GPM6A: variants seen among roughly 807,000 people sequenced by gnomAD.
GPM6A encodes the protein glycoprotein M6A.
In GPM6A, 7 loss-of-function variants were observed where a neutral mutation model predicts 32.1. The observed-to-expected ratio is 0.22, with a 90% CI of 0.12 to 0.41. The LOEUF is 0.41. GPM6A is among the 10% of genes least tolerant of loss of function. GPM6A has a pLI of 1.00. For synonymous variants in GPM6A, 130 were observed against 123.4 expected (o/e 1.05, Z -0.35); for missense variants, 235 against 347.2 (o/e 0.68, Z 2.57).
At chr4:175,776,377 C>G (rs1346785599) in intron 1 of GPM6A, among the ~76,000 whole-genome samples, 2 of 152,098 alleles carry the variant, frequency 1.3e-5, no homozygotes, top group Non-Finnish European at 2.9e-5. Context: ...AAACAAAGGC[C>G]TGGCCACAAC....
chr4:175,907,645 C>T (rs1040269700), intron 1 of GPM6A, among the ~76,000 whole-genome samples: 1 of 152,092 alleles, frequency 6.6e-6, no homozygotes, highest in Non-Finnish European at 1.5e-5. Context: ...ATAAAACCCT[C>T]CGGTGAGAAA....
intron 2 of GPM6A, among the ~76,000 whole-genome samples, chr4:175,676,391 A>G (rs2110992658): frequency 6.6e-6 from 1 of 152,328 alleles, no homozygotes; most frequent in Middle Eastern, 3.4e-3. Context: ...TAAAGACAGA[A>G]GTTTTGATCA....
chr4:175,889,512 T>C (rs1226347065), intron 1 of GPM6A, among the ~76,000 whole-genome samples: 23 of 122,600 alleles, frequency 1.9e-4, no homozygotes, highest in Middle Eastern at 4.5e-3. Context: ...AGCAAAACCC[T>C]GTCTCCAAAA....
intron 1 of GPM6A, among the ~76,000 whole-genome samples, chr4:175,825,850 A>T (rs567684198): frequency 6.6e-6 from 1 of 152,288 alleles, no homozygotes; most frequent in Non-Finnish European, 1.5e-5. Flanking sequence ...AACATTTTCA[A>T]GTCAAGTTGA....
At position 175,985,470 on chromosome 4, in the gene GPM6A, G is replaced by A. The variant is rs76476836; in HGVS notation, c.-23+16839C>T. 3.7e-3 allele frequency among the ~76,000 whole-genome samples: 557 copies of A among 152,212 alleles called. 5 individuals carry two copies. The highest frequency in any genetic ancestry group is 0.012 in the African/African-American group (509 of 41,542). ...TCTCTTATTATTTTTAATTCTTGTA[G>A]AATGTCTTTATTATATAGACAAGTG... On this transcript the variant is annotated intron_variant, in intron 1 of 7. Coordinates refer to the GPM6A transcript ENST00000280187.
At chr4:175,681,505 G>A (rs1743685921) in intron 2 of GPM6A, among the ~76,000 whole-genome samples, 1 of 152,094 alleles carries the variant, frequency 6.6e-6, no homozygotes, top group South Asian at 2.1e-4. Flanking sequence ...TTTGTCTGTT[G>A]ATAGTTTAGA....
chr4:175,733,852 T>A (rs13136033), intron 1 of GPM6A, among the ~76,000 whole-genome samples: 38,645 of 152,010 alleles, frequency 0.25, 5,014 homozygotes, highest in Non-Finnish European at 0.27. Context: ...ATCTCTAAAA[T>A]GGTCTTTTAA....
intron 1 of GPM6A, among the ~76,000 whole-genome samples, chr4:175,933,228 A>C (rs1739109667): frequency 6.6e-6 from 1 of 152,218 alleles, no homozygotes; most frequent in Non-Finnish European, 1.5e-5. Flanking sequence ...CAAATGATCA[A>C]TAAGCTCATA....
At chr4:175,683,406 TG>T (rs1743795136) in intron 2 of GPM6A, among the ~76,000 whole-genome samples, 3 of 152,292 alleles carry the variant, frequency 2.0e-5, no homozygotes, top group South Asian at 4.1e-4. Flanking sequence ...TTTGAGTTAA[TG>T]CTGGAAAGAG....
rs34600738 is a variant in GPM6A, at chr4:175,725,295, G to GT, written c.38-23529dup. On this transcript the variant is annotated intron_variant, in intron 1 of 6. Transcript: ENST00000393658. ...TTAATGCATTATGTTTTGGGTTTTT[G>GT]TTTTTTTTTTTTTTGCAACAGAGTC... is the stretch of plus-strand genomic sequence containing the variant. Among the ~76,000 whole-genome samples the GT allele has an allele frequency of 2.8e-3, 369 of 130,306 alleles. 1 individual carries two copies. Among genetic ancestry groups the GT allele is most frequent in the African/African-American group, 8.7e-3 (315 of 36,040 alleles). The allele number at this position is 130,306 out of a possible 152,430, so 85.5% of individuals were successfully genotyped here.
At position 175,649,972 on chromosome 4, in the gene GPM6A, T is replaced by A. The variant is rs549111101; in HGVS notation, c.541+1862A>T. On this transcript the variant is annotated intron_variant, in intron 4 of 6. Coordinates refer to ENST00000393658, the MANE Select transcript of GPM6A (RefSeq NM_201591.3). ...GATCAGCAGAATAAAAGGAAGACATTTAGGACAAGGGGCAGAGAGCAGAGC... is the reference window on the plus strand; with the variant it reads ...GATCAGCAGAATAAAAGGAAGACATATAGGACAAGGGGCAGAGAGCAGAGC... 5.3e-5 allele frequency among the ~76,000 whole-genome samples: 8 copies of A among 152,268 alleles called. No homozygotes were observed. The South Asian group carries it at 1.7e-3, about 32-fold the overall frequency.
At chr4:175,914,318 T>C (rs1325785388) in intron 1 of GPM6A, among the ~76,000 whole-genome samples, 1 of 152,160 alleles carries the variant, frequency 6.6e-6, no homozygotes, top group African/African-American at 2.4e-5. Flanking sequence ...ATCAGCATTT[T>C]GTTTTGTTTT....
chr4:175,820,563 C>T (rs1735247075), intron 1 of GPM6A, among the ~76,000 whole-genome samples: 2 of 131,082 alleles, frequency 1.5e-5, no homozygotes, highest in African/African-American at 2.9e-5. Context: ...TGCAGTGGTG[C>T]AATCTCTGCT....
chr4:175,880,835 G>A (rs998961237), intron 1 of GPM6A, among the ~76,000 whole-genome samples: 7 of 152,148 alleles, frequency 4.6e-5, no homozygotes, highest in African/African-American at 1.7e-4. Flanking sequence ...CTGCAAACAG[G>A]GACAATTTGA....
chr4:175,923,006 C>T lies in GPM6A; in HGVS notation c.-23+79303G>A, dbSNP rs567729222. Among the ~76,000 whole-genome samples, 3 of 151,904 alleles carry T rather than the reference C, an allele frequency of 2.0e-5. No individual in the cohort carries two copies. The South Asian group carries it at 6.2e-4, about 32-fold the overall frequency. On this transcript the variant is annotated intron_variant, in intron 1 of 7. Coordinates refer to the GPM6A transcript ENST00000280187. ...AGCTCATTTTTATCTGTACTGGTAA[C>T]TAAAATATAATCCACGCTTGTTATT...
intron 1 of GPM6A, among the ~76,000 whole-genome samples, chr4:175,786,388 C>T (rs1230847831): frequency 6.6e-6 from 1 of 151,054 alleles, no homozygotes; most frequent in Non-Finnish European, 1.5e-5. Flanking sequence ...TCCTGACTCT[C>T]CTCCCTCCAA....
intron 1 of GPM6A, among the ~76,000 whole-genome samples, chr4:175,766,284 C>T (rs1732963025): frequency 6.6e-6 from 1 of 152,010 alleles, no homozygotes; most frequent in Non-Finnish European, 1.5e-5. Flanking sequence ...TATTTTATCC[C>T]TTAAGTTTTA....
rs76620972 is a variant in GPM6A, at chr4:175,870,988, A to G, written c.-22-58739T>C. ...AGTACCTATTATTATTATCTTAATCATGTTAATATCATATTTCTAGGGCAT... is the reference window on the plus strand; with the variant it reads ...AGTACCTATTATTATTATCTTAATCGTGTTAATATCATATTTCTAGGGCAT... On this transcript the variant is annotated intron_variant, in intron 1 of 7. Transcript: ENST00000280187. Among the ~76,000 whole-genome samples the G allele has an allele frequency of 1.1e-3, 173 of 152,174 alleles. 5 individuals are homozygous for G. The East Asian group carries it at 0.029, about 26-fold the overall frequency.
At chr4:175,841,786 A>T (rs1012862466) in intron 1 of GPM6A, among the ~76,000 whole-genome samples, 1 of 152,200 alleles carries the variant, frequency 6.6e-6, no homozygotes. Flanking sequence ...GCTGATTTTT[A>T]AAATTATCAT....
Sources: allele counts gnomAD v4.1 joint callset (sites outside exome capture counted in the v4.1 genomes callset), GRCh38; gene constraint gnomAD v4.1.1; transcripts MANE v1.5; gene names NCBI Gene and HGNC (gene_info 2026-07-23, HGNC 2026-07-21).